TRMT11: variants seen among roughly 807,000 people sequenced by gnomAD.
The protein encoded by TRMT11 is tRNA (guanine(10)-N(2))-methyltransferase TRMT11.
A neutral mutation model predicts 62.8 loss-of-function variants in TRMT11; 53 were observed. That is an observed-to-expected ratio of 0.84 (90% confidence interval 0.68 to 1.06). The LOEUF is 1.06. Among genes scored for constraint, TRMT11 ranks in the 50% least tolerant of loss-of-function variants. TRMT11 has a pLI of 0.00. For synonymous variants in TRMT11, 188 were observed against 190.3 expected, an observed-to-expected ratio of 0.99 and a Z score of 0.10; for missense variants, 556 against 553.4, an observed-to-expected ratio of 1.00 and a Z score of -0.05.
At chr6:125,996,132 C>A in intron 3 of TRMT11, 92 bp downstream of exon 3, 1 of 811,270 alleles carries the variant, frequency 1.2e-6, no homozygotes, top group Non-Finnish European at 2.0e-6. Flanking sequence ...AGTGTGAAGG[C>A]TCAGTTTAGC....
the TRMT11 span, among the ~76,000 whole-genome samples, chr6:126,217,744 A>G: frequency 3.3e-5 from 5 of 152,042 alleles, no homozygotes; most frequent in Non-Finnish European, 5.9e-5. Context: ...GGTAATCACT[A>G]GCCTGGCTAC....
chr6:126,022,337 G>A (rs534566678), intron 12 of TRMT11, among the ~76,000 whole-genome samples: 4 of 152,034 alleles, frequency 2.6e-5, no homozygotes, highest in East Asian at 1.9e-4. Flanking sequence ...GTGAGCCACC[G>A]TGTCCAGACT....
chr6:126,201,446 T>A (rs764246336), intron 3 of TRMT11, among the ~76,000 whole-genome samples: 1 of 152,216 alleles, frequency 6.6e-6, no homozygotes, highest in Non-Finnish European at 1.5e-5. Flanking sequence ...ACATACTCCA[T>A]ATGGGACCAT....
chr6:126,120,757 G>A (rs575661816), intron 21 of TRMT11, among the ~76,000 whole-genome samples: 58 of 152,218 alleles, frequency 3.8e-4, no homozygotes, highest in Non-Finnish European at 7.6e-4. Flanking sequence ...CTTTTCCCCT[G>A]GAACTGGACA....
At chr6:126,222,902 A>G in the TRMT11 span, among the ~76,000 whole-genome samples, 1 of 151,338 alleles carries the variant, frequency 6.6e-6, no homozygotes, top group Non-Finnish European at 1.5e-5. Context: ...TTGATTGTGT[A>G]ACTGCTTTAT....
downstream of TRMT11, among the ~76,000 whole-genome samples, chr6:126,206,922 C>G (rs185361926): frequency 3.9e-5 from 6 of 152,160 alleles, no homozygotes; most frequent in Admixed American, 3.9e-4. Flanking sequence ...AAAGCAGTAT[C>G]TTTTAGCCAA....
At chr6:126,169,282 C>T (rs564996427) in intron 21 of TRMT11, among the ~76,000 whole-genome samples, 2 of 152,188 alleles carry the variant, frequency 1.3e-5, no homozygotes, top group African/African-American at 4.8e-5. Context: ...AAAACTTCTG[C>T]AATATTTTTT....
At chr6:126,178,283 T>C (rs1259123290) in intron 1 of TRMT11, among the ~76,000 whole-genome samples, 1 of 152,174 alleles carries the variant, frequency 6.6e-6, no homozygotes, top group Non-Finnish European at 1.5e-5. Context: ...GACTGTTCCA[T>C]GTGAGCTATG....
At chr6:126,251,735 G>A in the TRMT11 span, among the ~76,000 whole-genome samples, 1 of 152,182 alleles carries the variant, frequency 6.6e-6, no homozygotes, top group Non-Finnish European at 1.5e-5. Context: ...CACTTGTGCA[G>A]CCAGATAGGG....
chr6:126,098,307 A>AGAGTCCTCTTCCCAGTC (rs1777361948), intron 17 of TRMT11, among the ~76,000 whole-genome samples: 1 of 151,424 alleles, frequency 6.6e-6, no homozygotes, highest in Non-Finnish European at 1.5e-5. Flanking sequence ...CCCACTCCTA[A>AGAGTCCTCTTCCCAGTC]CTCTTCCACT....
At chr6:126,060,305 G>A (rs901641984) in intron 17 of TRMT11, among the ~76,000 whole-genome samples, 1 of 152,218 alleles carries the variant, frequency 6.6e-6, no homozygotes, top group Admixed American at 6.5e-5. Flanking sequence ...TCTCGTAAGT[G>A]ATAGCTGCTC....
chr6:126,257,792 G>A, the TRMT11 span: 12 of 636,614 alleles, frequency 1.9e-5, no homozygotes, highest in Admixed American at 5.5e-5. Context: ...AATGGAAAAC[G>A]AAGGGGGCAG....
At chr6:126,123,209 A>C (rs1423023808) in intron 21 of TRMT11, among the ~76,000 whole-genome samples, 1 of 152,156 alleles carries the variant, frequency 6.6e-6, no homozygotes, top group Non-Finnish European at 1.5e-5. Flanking sequence ...TTCCCAATTA[A>C]TTGATTTAAA....
chr6:126,094,116 C>CA (rs58906879), intron 17 of TRMT11, among the ~76,000 whole-genome samples: 5 of 151,964 alleles, frequency 3.3e-5, no homozygotes, highest in African/African-American at 9.7e-5. Flanking sequence ...CACACACACA[C>CA]CCCAAACTTA....
At chr6:126,005,113 T>C (rs1385488936) in intron 7 of TRMT11, among the ~76,000 whole-genome samples, 7 of 152,094 alleles carry the variant, frequency 4.6e-5, no homozygotes, top group Non-Finnish European at 8.8e-5. Flanking sequence ...CATGAATTTA[T>C]TGAATACCTA....
downstream of TRMT11, among the ~76,000 whole-genome samples, chr6:126,206,850 A>G (rs1778796200): frequency 6.6e-6 from 1 of 152,210 alleles, no homozygotes; most frequent in Non-Finnish European, 1.5e-5. Context: ...GAAAACACCT[A>G]CACTCTTTTC....
intron 17 of TRMT11, among the ~76,000 whole-genome samples, chr6:126,093,847 C>G (rs1245336839): frequency 1.3e-5 from 2 of 151,182 alleles, no homozygotes; most frequent in East Asian, 3.9e-4. Context: ...ATAAGATTAG[C>G]CTATAAAAAT....
intron 17 of TRMT11, among the ~76,000 whole-genome samples, chr6:126,077,422 A>T (rs1012904138): frequency 6.6e-6 from 1 of 152,140 alleles, no homozygotes. Flanking sequence ...AAAGAGTGTG[A>T]CTAGAAAATC....
chr6:126,233,490 A>G, the TRMT11 span, among the ~76,000 whole-genome samples: 1 of 152,150 alleles, frequency 6.6e-6, no homozygotes, highest in African/African-American at 2.4e-5. Context: ...TGTGCCTATT[A>G]CTTCTACTTT....
Sources: gnomAD v4.1 joint callset for allele counts (sites outside exome capture counted in the v4.1 genomes callset) on GRCh38, gnomAD v4.1.1 for gene constraint, MANE v1.5 for transcripts, NCBI Gene and HGNC (gene_info 2026-07-23, HGNC 2026-07-21) for gene names.